Variants in SEC14L5 observed in about 807,000 individuals in gnomAD.
SEC14L5 encodes the protein SEC14-like protein 5.
In SEC14L5, 96 loss-of-function variants were observed where a neutral mutation model predicts 84.6. That is an observed-to-expected ratio of 1.13 (90% CI 0.96 to 1.34). The LOEUF is 1.34. Ranked by LOEUF, SEC14L5 falls within the 40% of genes most tolerant of loss-of-function variation. The pLI is 0.00. For synonymous variants in SEC14L5, 546 were observed against 383.4 expected (o/e 1.42, Z -4.95); for missense variants, 1,224 against 942.5 (o/e 1.30, Z -3.91).
chr16:5,011,150 G>A lies in SEC14L5; in HGVS notation c.1856G>A (p.Ser619Asn), dbSNP rs761537367. ...GVYLLQWQMH[S>N]PPSSVACSLP... ...TACCTGCTCCAGTGGCAAATGCACA[G>A]CCCCCCCAGCAGCGTGGCCTGCAGC... The change falls in exon 15 of 16, where the codon AGC becomes AAC. Residue 619 changes from serine to asparagine, a missense_variant. Transcript: ENST00000251170. The A allele has an allele frequency of 6.2e-7, 1 of 1,612,222 alleles. No individual in the cohort carries two copies. Among genetic ancestry groups the A allele is most frequent in the African/African-American group, 1.3e-5 (1 of 74,978 alleles).
intron 14 of SEC14L5, 50 bp downstream of exon 14, chr16:5,008,698 C>T (rs751140314): frequency 6.8e-7 from 1 of 1,470,256 alleles, no homozygotes; most frequent in African/African-American, 1.4e-5. Context: ...CACTGAGTGT[C>T]CACTGCGTGC....
At chr16:4,959,128 T>G (rs1596608180) in intron 1 of SEC14L5, 145 bp from the exon 2 acceptor site, 1 of 589,448 alleles carries the variant, frequency 1.7e-6, no homozygotes, top group South Asian at 2.0e-5. Flanking sequence ...TGGCCTGGAG[T>G]AATTTGGGGG....
Position 5,007,497 on chromosome 16 carries a change from C to T in SEC14L5, c.1572+11C>T, listed in dbSNP as rs1469730070. 6.2e-7 allele frequency: 1 copy of T among 1,612,364 alleles called. No individual in the cohort carries two copies. The highest frequency in any genetic ancestry group is 1.7e-5 in the Admixed American group (1 of 59,914). ...GGAGCCCCCCACGAGGTGCCAGGGCCTGGCCGGGGAGGGCCCGCTGAGCTG... is the reference window on the plus strand; with the variant it reads ...GGAGCCCCCCACGAGGTGCCAGGGCTTGGCCGGGGAGGGCCCGCTGAGCTG... On this transcript the variant is annotated intron_variant, in intron 13 of 15. Transcript: ENST00000251170.
At chr16:5,007,210 T>C in intron 12 of SEC14L5, 142 bp from the exon 13 acceptor site, 1 of 629,610 alleles carries the variant, frequency 1.6e-6, no homozygotes, top group Non-Finnish European at 2.7e-6. Flanking sequence ...GGGGATTAAA[T>C]GGGGTCATGG....
intron 2 of SEC14L5, among the ~76,000 whole-genome samples, chr16:4,966,599 C>G (rs1024894874): frequency 5.9e-5 from 9 of 152,120 alleles, no homozygotes; most frequent in Non-Finnish European, 1.0e-4. Flanking sequence ...AGTCTATTCA[C>G]TTATTAATTC....
intron 2 of SEC14L5, among the ~76,000 whole-genome samples, chr16:4,968,736 G>T (rs2142478650): frequency 6.6e-6 from 1 of 152,354 alleles, no homozygotes; most frequent in South Asian, 2.1e-4. Flanking sequence ...CCAAAGCCCA[G>T]TAGCGTCAGG....
At position 5,014,950 on chromosome 16, in the gene SEC14L5, A is replaced by G. The variant is rs1026527874; in HGVS notation, c.2071A>G (p.Ser691Gly). The G allele has an allele frequency of 6.2e-7, 1 of 1,611,618 alleles. No individual in the cohort carries two copies. The highest frequency in any genetic ancestry group is 8.5e-7 in the Non-Finnish European group (1 of 1,179,772). Residue 691 changes from serine (S) to glycine (G), a missense_variant, in exon 16 of 16, where the codon AGC becomes GGC. Physicochemically the swap from Ser to Gly is moderately conservative, Grantham distance 56. Coordinates refer to ENST00000251170, the MANE Select transcript of SEC14L5 (RefSeq NM_014692.2). ...CTCCTCCTCCGGCCAGTCTCATAGC[A>G]GCTCCCTGGTCTCCAGATAGCCGGG... is the stretch of plus-strand genomic sequence containing the variant. ...SSSSSGQSHSSSLVSR is the reference protein window; with the variant it reads ...SSSSSGQSHSGSLVSR
At chr16:4,964,658 A>G (rs1284203428) in intron 2 of SEC14L5, among the ~76,000 whole-genome samples, 1 of 150,970 alleles carries the variant, frequency 6.6e-6, no homozygotes, top group Non-Finnish European at 1.5e-5. Flanking sequence ...CTTCTTCTTC[A>G]CTCCCGACCT....
chr16:5,008,678 C>T lies in SEC14L5; in HGVS notation c.1800+30C>T, dbSNP rs765183530. On this transcript the variant is annotated intron_variant, in intron 14 of 15. Coordinates refer to ENST00000251170, the MANE Select transcript of SEC14L5 (RefSeq NM_014692.2). Reference sequence around the variant, plus strand: ...GCATTTTCTGGACCACTCATTCGCTCACCAAGCAGCACTGAGTGTCCACTG... The same window carrying T: ...GCATTTTCTGGACCACTCATTCGCTTACCAAGCAGCACTGAGTGTCCACTG... 8.3e-6 allele frequency: 13 copies of T among 1,567,882 alleles called. No homozygotes were observed. In the South Asian group the frequency reaches 1.2e-4, roughly 15 times the overall value.
chr16:4,976,893 T>G (rs1420330274), intron 2 of SEC14L5, among the ~76,000 whole-genome samples: 8 of 152,192 alleles, frequency 5.3e-5, no homozygotes, highest in Admixed American at 5.2e-4. Flanking sequence ...TCAAGCCAAC[T>G]GTAGGGACAG....
chr16:4,965,529 CG>C lies in SEC14L5; in HGVS notation c.63+6146del, dbSNP rs371612947. Among the ~76,000 whole-genome samples the C allele has an allele frequency of 6.2e-3, 945 of 151,340 alleles. 10 individuals are homozygous for C. The highest frequency in any genetic ancestry group is 0.022 in the African/African-American group (908 of 41,260). The stretch of plus-strand genomic sequence containing the variant: ...ACAAAAAATTAGCCGGGTGTGGTGG[CG>C]GGCGCCTGTAGTCCCAGCTACTCGG... On this transcript the variant is annotated intron_variant, in intron 2 of 15. Transcript: ENST00000251170.
At chr16:4,996,612 C>G (rs1036924730) in intron 7 of SEC14L5, among the ~76,000 whole-genome samples, 152 bp downstream of exon 7, 1 of 152,130 alleles carries the variant, frequency 6.6e-6, no homozygotes, top group Non-Finnish European at 1.5e-5. Flanking sequence ...GAGACAAAGT[C>G]TCACTCTGTC....
At position 5,008,529 on chromosome 16, in the gene SEC14L5, G is replaced by A. The variant is rs748766480; in HGVS notation, c.1681G>A (p.Gly561Ser). 47 of 1,609,426 alleles carry A rather than the reference G, an allele frequency of 2.9e-5. No homozygotes were observed. In the East Asian group the frequency reaches 1.0e-3, roughly 34 times the overall value. The change falls in exon 14 of 16, where the codon GGC becomes AGC. Residue 561 changes from glycine (G) to serine (S), a missense_variant. Transcript: ENST00000251170. The stretch of plus-strand genomic sequence containing the variant: ...CCACACCAAGCAGGCGCCCAGGCTG[G>A]GCGCCCGGGAACCGGGGACCAGGGC... Reference protein sequence around the residue: ...LYHTKQAPRLGAREPGTRASG... With the variant: ...LYHTKQAPRLSAREPGTRASG...
chr16:5,006,330 A>C (rs1377989891), intron 12 of SEC14L5, among the ~76,000 whole-genome samples: 2 of 152,218 alleles, frequency 1.3e-5, no homozygotes, highest in African/African-American at 4.8e-5. Flanking sequence ...TAGGCCAGTC[A>C]AAGGCTTACG....
At chr16:5,007,243 G>C in intron 12 of SEC14L5, 109 bp from the exon 13 acceptor site, 1 of 921,880 alleles carries the variant, frequency 1.1e-6, no homozygotes, top group South Asian at 1.7e-5. Flanking sequence ...CATTCAGTAA[G>C]GGGTTGCAAT....
chr16:4,977,790 T>C (rs1464348337), intron 2 of SEC14L5, among the ~76,000 whole-genome samples: 4 of 151,746 alleles, frequency 2.6e-5, no homozygotes, highest in East Asian at 1.9e-4. Flanking sequence ...CCAGTGTTTT[T>C]ATTTTATTTA....
intron 4 of SEC14L5, among the ~76,000 whole-genome samples, chr16:4,990,318 ATCTCT>A (rs1485215839): frequency 6.6e-6 from 1 of 152,040 alleles, no homozygotes; most frequent in African/African-American, 2.4e-5. Context: ...ACCCACCACC[ATCTCT>A]GGCTAATTTT....
chr16:4,986,536 A>G (rs927581219), intron 2 of SEC14L5, among the ~76,000 whole-genome samples: 3 of 152,178 alleles, frequency 2.0e-5, no homozygotes, highest in Non-Finnish European at 4.4e-5. Context: ...TTGTATTTCC[A>G]TATGAATTTT....
In SEC14L5 at chr16:5,007,586, T is replaced by TTTTCTTTC. The variant is rs1203201367; in HGVS notation, c.1572+116_1572+123dup. 7.0e-4 allele frequency: 678 copies of TTTTCTTTC among 974,770 alleles called. 3 individuals are homozygous for TTTTCTTTC. In the African/African-American group the frequency reaches 0.011, roughly 15 times the overall value. 60.4% of individuals were successfully genotyped at this position (974,770 alleles called of 1,614,324 possible). ...AGCTTGAGATGAGGATTCTTTTTTC[T>TTTTCTTTC]TTTCTTTCTTTCTTTCTTTCTTTTT... On this transcript the variant is annotated intron_variant, in intron 13 of 15. Coordinates refer to ENST00000251170, the MANE Select transcript of SEC14L5 (RefSeq NM_014692.2).
Sources: allele counts gnomAD v4.1 joint callset (sites outside exome capture counted in the v4.1 genomes callset), GRCh38; gene constraint gnomAD v4.1.1; transcripts MANE v1.5; gene names NCBI Gene and HGNC (gene_info 2026-07-23, HGNC 2026-07-21).